The following SLC35F3 variants were observed in gnomAD, a reference collection of about 807,000 sequenced individuals.
SLC35F3 encodes the protein putative thiamine transporter SLC35F3.
Under a neutral mutation model 49.9 loss-of-function variants are expected in SLC35F3, and 25 were observed. The observed-to-expected ratio is 0.50, with a 90% CI of 0.37 to 0.70. The LOEUF (loss-of-function observed/expected upper bound fraction) is 0.70. SLC35F3 is among the 30% of genes least tolerant of loss of function. SLC35F3 has a pLI of 0.00. For synonymous variants in SLC35F3, 275 were observed against 265.4 expected, an observed-to-expected ratio of 1.04 and a Z score of -0.35; for missense variants, 525 against 639.8, an observed-to-expected ratio of 0.82 and a Z score of 1.94.
At chr1:233,986,907 G>A (rs1222866167) in intron 2 of SLC35F3, among the ~76,000 whole-genome samples, 1 of 151,976 alleles carries the variant, frequency 6.6e-6, no homozygotes. Context: ...TTTCTGTATT[G>A]GATCCTCTGT....
intron 2 of SLC35F3, among the ~76,000 whole-genome samples, chr1:234,156,766 T>G (rs1666158206): frequency 6.6e-6 from 1 of 152,204 alleles, no homozygotes; most frequent in Non-Finnish European, 1.5e-5. Context: ...ATATCCATAC[T>G]TTTTATTAAG....
rs1188029181 is a variant in SLC35F3 at position 234,323,887 on chromosome 1, G to A, written c.*644G>A. 1.3e-5 allele frequency: 2 copies of A among 152,696 alleles called. No individual in the cohort carries two copies. The highest frequency in any genetic ancestry group is 4.8e-5 in the African/African-American group (2 of 41,454). 9.5% of individuals were successfully genotyped at this position (152,696 alleles called of 1,614,324 possible). ...CCGGCTGGCCTGCTCTCACGTGTCT[G>A]TGTAAGATCATGCAAGAGAAATCAC... On this transcript the variant is annotated 3_prime_UTR_variant, in exon 8 of 8. Transcript: ENST00000366618. The surrounding 1 kb of genome is among the most constrained non-coding windows in gnomAD (Gnocchi z 4.5).
At chr1:233,946,691 T>C (rs1187067355) in intron 2 of SLC35F3, among the ~76,000 whole-genome samples, 3 of 152,204 alleles carry the variant, frequency 2.0e-5, no homozygotes, top group Non-Finnish European at 4.4e-5. Flanking sequence ...AGGCCCTTCA[T>C]GGAGGAGAAA....
At chr1:233,911,249 T>C (rs1041491629) in intron 2 of SLC35F3, among the ~76,000 whole-genome samples, 9 of 152,288 alleles carry the variant, frequency 5.9e-5, no homozygotes, top group African/African-American at 2.2e-4. Flanking sequence ...ATTGAATTCA[T>C]GGTGAGCAAC....
Position 233,904,985 on chromosome 1 carries a change from C to G in SLC35F3, c.-93C>G. 7.1e-7 allele frequency: 1 copy of G among 1,412,688 alleles called. No individual in the cohort carries two copies. Among genetic ancestry groups the G allele is most frequent in the East Asian group, 2.6e-5 (1 of 38,664 alleles). 87.5% of individuals were successfully genotyped at this position (1,412,688 alleles called of 1,614,324 possible). ...GCAGACCCTCGGTGGGCAGCGCACT[C>G]CAGTCTTCCCAGGCTAGCGGCTGCA... On this transcript the variant is annotated 5_prime_UTR_variant, in exon 1 of 8. Transcript: ENST00000366618.
chr1:234,180,899 C>T (rs188059761), intron 2 of SLC35F3, among the ~76,000 whole-genome samples: 250 of 152,240 alleles, frequency 1.6e-3, no homozygotes, highest in Non-Finnish European at 3.0e-3. Context: ...TGCCATGTAT[C>T]CATCACCCAG....
chr1:234,144,734 G>T, intron 2 of SLC35F3, among the ~76,000 whole-genome samples: 1 of 152,262 alleles, frequency 6.6e-6, no homozygotes, highest in South Asian at 2.1e-4. Context: ...GAATAAATCA[G>T]GGCCCCCTTT....
chr1:233,978,713 A>C (rs1387396882), intron 2 of SLC35F3, among the ~76,000 whole-genome samples: 1 of 152,178 alleles, frequency 6.6e-6, no homozygotes, highest in Non-Finnish European at 1.5e-5. Flanking sequence ...TCTCATCCAG[A>C]AAGTAAGGGA....
intron 2 of SLC35F3, among the ~76,000 whole-genome samples, chr1:233,988,439 TG>T (rs1323298742): frequency 6.6e-6 from 1 of 152,206 alleles, no homozygotes; most frequent in Admixed American, 6.5e-5. Context: ...AGAATCTAAC[TG>T]CTTCTGATAC....
chr1:234,089,613 G>A (rs1374563361), intron 2 of SLC35F3, among the ~76,000 whole-genome samples: 1 of 152,164 alleles, frequency 6.6e-6, no homozygotes, highest in East Asian at 1.9e-4. Context: ...GAGCAGGGAG[G>A]GAGGTCAGGT....
intron 2 of SLC35F3, among the ~76,000 whole-genome samples, chr1:233,977,496 G>A (rs143707099): frequency 6.6e-6 from 1 of 152,330 alleles, no homozygotes; most frequent in African/African-American, 2.4e-5. Flanking sequence ...TTAGGGGACA[G>A]GGAGCTGCAC....
intron 3 of SLC35F3, among the ~76,000 whole-genome samples, chr1:234,247,438 C>G (rs1200719591): frequency 6.7e-6 from 1 of 149,900 alleles, no homozygotes; most frequent in African/African-American, 2.5e-5. Context: ...TTGGTTGGTC[C>G]ATTGTTTGGT....
At chr1:233,969,251 G>T (rs1662953029) in intron 2 of SLC35F3, among the ~76,000 whole-genome samples, 2 of 152,194 alleles carry the variant, frequency 1.3e-5, no homozygotes, top group African/African-American at 2.4e-5. Context: ...GAAGACCAGA[G>T]GATCTAAAGG....
intron 2 of SLC35F3, among the ~76,000 whole-genome samples, chr1:234,185,437 T>G (rs1160614886): frequency 6.6e-6 from 1 of 152,214 alleles, no homozygotes; most frequent in Non-Finnish European, 1.5e-5. Flanking sequence ...AGCAAATACA[T>G]TTCATTTTGT....
At chr1:234,061,228 A>T (rs1288184047) in intron 2 of SLC35F3, among the ~76,000 whole-genome samples, 1 of 152,068 alleles carries the variant, frequency 6.6e-6, no homozygotes, top group Non-Finnish European at 1.5e-5. Flanking sequence ...TTTTTTAATG[A>T]TACCTTAACT....
intron 2 of SLC35F3, among the ~76,000 whole-genome samples, chr1:234,226,636 T>C (rs1667289568): frequency 6.6e-6 from 1 of 151,846 alleles, no homozygotes; most frequent in Non-Finnish European, 1.5e-5. Flanking sequence ...TGTGCCTTGG[T>C]ACCCGAATGA....
intron 3 of SLC35F3, among the ~76,000 whole-genome samples, chr1:234,265,223 C>T (rs1667962264): frequency 6.6e-6 from 1 of 152,160 alleles, no homozygotes; most frequent in Admixed American, 6.5e-5. Context: ...AAAATCAAAC[C>T]CTTCATGTTC....
intron 2 of SLC35F3, among the ~76,000 whole-genome samples, chr1:234,144,274 T>G (rs1158875605): frequency 6.6e-6 from 1 of 152,214 alleles, no homozygotes; most frequent in African/African-American, 2.4e-5. Flanking sequence ...TCTTGGGATG[T>G]GCAGGGCTGA....
intron 2 of SLC35F3, among the ~76,000 whole-genome samples, chr1:234,145,922 C>G (rs1665988894): frequency 6.6e-6 from 1 of 152,032 alleles, no homozygotes; most frequent in Admixed American, 6.5e-5. Flanking sequence ...TGTATCTTGT[C>G]ACCTATTAAG....
Sources: gnomAD v4.1 joint callset for allele counts (sites outside exome capture counted in the v4.1 genomes callset) on GRCh38, gnomAD v4.1.1 for gene constraint, Gnocchi (gnomAD v3.1) non-coding constraint, MANE v1.5 for transcripts, NCBI Gene and HGNC (gene_info 2026-07-23, HGNC 2026-07-21) for gene names.